ZFP90: variants seen among roughly 807,000 people sequenced by gnomAD.
ZFP90 encodes ZFP90 zinc finger protein.
A neutral mutation model predicts 60.8 loss-of-function variants in ZFP90; 38 were observed. That is an observed-to-expected ratio of 0.62 (90% confidence interval 0.48 to 0.82). ZFP90 has a LOEUF of 0.82. Ranked by LOEUF, ZFP90 falls within the 40% of genes least tolerant of loss-of-function variation. The probability of loss-of-function intolerance (pLI) is 0.00; values close to 1 mark genes in which losing one functional copy is unlikely to be tolerated. For missense variants in ZFP90, 711 were observed against 759.1 expected (o/e 0.94, Z 0.74); for synonymous variants, 287 against 264.8 (o/e 1.08, Z -0.82).
At chr16:68,550,202 A>G (rs2091236005) in intron 2 of ZFP90, among the ~76,000 whole-genome samples, 1 of 152,218 alleles carries the variant, frequency 6.6e-6, no homozygotes, top group Non-Finnish European at 1.5e-5. Context: ...AAAATTACTA[A>G]TGAGGCATTT....
At chr16:68,562,068 A>G (rs947375223) in intron 4 of ZFP90, 1 of 152,150 alleles carries the variant, frequency 6.6e-6, no homozygotes, top group African/African-American at 2.4e-5. Context: ...TTTTTGATGC[A>G]TTTCCAAGTA....
chr16:68,536,057 G>T, upstream of ZFP90, among the ~76,000 whole-genome samples: 1 of 152,058 alleles, frequency 6.6e-6, no homozygotes, highest in African/African-American at 2.4e-5. Flanking sequence ...TTCCCCTGGG[G>T]GCTAAAAGCC....
intron 2 of ZFP90, among the ~76,000 whole-genome samples, chr16:68,554,517 G>A (rs1302523663): frequency 6.6e-6 from 1 of 152,208 alleles, no homozygotes; most frequent in Non-Finnish European, 1.5e-5. Flanking sequence ...AGAAAAAGGG[G>A]ATTGGGATCA....
At chr16:68,569,645 T>C (rs1179026248), downstream of ZFP90, among the ~76,000 whole-genome samples, 1 of 152,112 alleles carries the variant, frequency 6.6e-6, no homozygotes, top group Non-Finnish European at 1.5e-5. Context: ...CTCACACTTT[T>C]AATCTCAACA....
chr16:68,563,916 C>T lies in ZFP90; in HGVS notation c.1129C>T (p.Arg377Ter), dbSNP rs776065123. ...TAAGGAATGTGGGAAAGCCTTTAGT[C>T]GATGTTCTTCCCTTGTCCAACATGA... ...QCKECGKAFS[R>*]CSSLVQHERT... is the part of the protein sequence containing the mutation. Residue 377 changes from arginine (R) to a stop codon, truncating the protein, a stop_gained, in exon 5 of 5, where the codon CGA (arginine) becomes TGA (stop). Coordinates refer to ENST00000563169, the MANE Select transcript of ZFP90 (RefSeq NM_001305203.2). LOFTEE classifies it high-confidence loss of function. The T allele has an allele frequency of 2.5e-6, 4 of 1,613,926 alleles. No individual in the cohort carries two copies. Among genetic ancestry groups the T allele is most frequent in the Admixed American group, 1.7e-5 (1 of 59,976 alleles).
chr16:68,550,134 A>C (rs2091234283), intron 2 of ZFP90, among the ~76,000 whole-genome samples: 1 of 152,216 alleles, frequency 6.6e-6, no homozygotes, highest in African/African-American at 2.4e-5. Flanking sequence ...TTAGTAATAA[A>C]TATTATTTAA....
At chr16:68,554,118 TTGTTTTG>T (rs2091303332) in intron 2 of ZFP90, among the ~76,000 whole-genome samples, 1 of 86,556 alleles carries the variant, frequency 1.2e-5, no homozygotes, top group South Asian at 3.8e-4. Flanking sequence ...GGGTTGTGTT[TTGTTTTG>T]TTTTTTTTTT....
chr16:68,554,916 T>A (rs924575119), intron 2 of ZFP90, among the ~76,000 whole-genome samples: 1 of 152,004 alleles, frequency 6.6e-6, no homozygotes, highest in African/African-American at 2.4e-5. Flanking sequence ...GAGGGTAGAG[T>A]AGGCAGTGGG....
At position 68,566,126 on chromosome 16, in the gene ZFP90, C is replaced by T. The variant is rs530971661; in HGVS notation, c.*1428C>T. 1.0e-3 allele frequency: 989 copies of T among 985,084 alleles called. 1 individual carries two copies. The highest frequency in any genetic ancestry group is 5.2e-3 in the Middle Eastern group (10 of 1,916). The allele number at this position is 985,084 out of a possible 1,614,324, so 61.0% of individuals were successfully genotyped here. On this transcript the variant is annotated 3_prime_UTR_variant, in exon 5 of 5. Coordinates refer to ENST00000563169, the MANE Select transcript of ZFP90 (RefSeq NM_001305203.2). ...CCAGCCTGAGCAACAGAGCAAGACA[C>T]ACACACATCAATTTATTTTAGTTGT...
chr16:68,559,578 A>C (rs1196298667), intron 4 of ZFP90, among the ~76,000 whole-genome samples: 1 of 152,094 alleles, frequency 6.6e-6, no homozygotes, highest in Non-Finnish European at 1.5e-5. Context: ...TTAATTAATA[A>C]TTTTATTGAG....
At chr16:68,533,735 C>G (rs190551958) in exon 2 of ZFP90, 6 of 152,272 alleles carry the variant, frequency 3.9e-5, no homozygotes, top group African/African-American at 1.4e-4. Flanking sequence ...TGCAATGGTG[C>G]AATGTCAGCT....
chr16:68,543,525 A>G (rs888741667), intron 2 of ZFP90, among the ~76,000 whole-genome samples: 10 of 151,440 alleles, frequency 6.6e-5, no homozygotes, highest in Admixed American at 2.0e-4. Context: ...GTTAGTAGCA[A>G]TGTCTATGTA....
rs1404427491 is a variant in ZFP90 at position 68,566,011 on chromosome 16, G to T, written c.*1313G>T. The stretch of plus-strand genomic sequence containing the variant: ...TAGCTGGGCATGGTGGCATGCAGTG[G>T]TAGTCCCAGCTACTCAGGAGGCTGA... On this transcript the variant is annotated 3_prime_UTR_variant, in exon 5 of 5. Coordinates refer to ENST00000563169, the MANE Select transcript of ZFP90 (RefSeq NM_001305203.2). The T allele has an allele frequency of 2.6e-6, 2 of 765,358 alleles. No individual in the cohort carries two copies. Among genetic ancestry groups the T allele is most frequent in the African/African-American group, 3.8e-5 (2 of 52,630 alleles). The allele number at this position is 765,358 out of a possible 1,614,324, so 47.4% of individuals were successfully genotyped here.
chr16:68,546,435 C>T (rs907600198), intron 2 of ZFP90, among the ~76,000 whole-genome samples: 3 of 152,126 alleles, frequency 2.0e-5, no homozygotes, highest in Non-Finnish European at 2.9e-5. Context: ...TCTTTCAGCC[C>T]GTGCAACTAC....
Position 68,563,979 on chromosome 16 carries a change from A to T in ZFP90, c.1192A>T (p.Ile398Leu). The T allele has an allele frequency of 6.2e-7, 1 of 1,613,768 alleles. No homozygotes were observed. Among genetic ancestry groups the T allele is most frequent in the Non-Finnish European group, 8.5e-7 (1 of 1,179,922 alleles). The change falls in exon 5 of 5, where the codon ATA becomes TTA. Residue 398 changes from isoleucine (I) to leucine (L), a missense_variant. Coordinates refer to ENST00000563169, the MANE Select transcript of ZFP90 (RefSeq NM_001305203.2). ...TGGAGAGAAACCTTTTGAATGTAGC[A>T]TATGTGGGAGGGCTTTTGGTCAGAG... The part of the protein sequence containing the change: ...HTGEKPFECS[I>L]CGRAFGQSPS...
chr16:68,545,090 A>G (rs1438184188), intron 2 of ZFP90, among the ~76,000 whole-genome samples: 2 of 151,946 alleles, frequency 1.3e-5, no homozygotes, highest in East Asian at 2.0e-4. Flanking sequence ...CATGTTATCC[A>G]GGATGGTTTC....
At chr16:68,562,929 G>A (rs2091458868) in intron 4 of ZFP90, 115 bp from the exon 5 acceptor site, 2 of 1,550,400 alleles carry the variant, frequency 1.3e-6, no homozygotes, top group Middle Eastern at 2.2e-4. Context: ...TCAGGATACA[G>A]GAGTAATTTC....
At chr16:68,568,767 C>T (rs1045071128), downstream of ZFP90, among the ~76,000 whole-genome samples, 6 of 152,216 alleles carry the variant, frequency 3.9e-5, no homozygotes, top group South Asian at 6.2e-4. Flanking sequence ...CAGCCTCCAC[C>T]TCCCAGGTTC....
intron 2 of ZFP90, chr16:68,574,137 A>G (rs1312044821): frequency 1.4e-5 from 2 of 141,746 alleles, no homozygotes; most frequent in East Asian, 4.5e-4. Flanking sequence ...ATCTCCTATC[A>G]TGTGACCTAC....
Sources: gnomAD v4.1 joint callset for allele counts (sites outside exome capture counted in the v4.1 genomes callset) on GRCh38, gnomAD v4.1.1 for gene constraint, MANE v1.5 for transcripts, NCBI Gene and HGNC (gene_info 2026-07-23, HGNC 2026-07-21) for gene names.